Variants in SI observed in about 807,000 individuals in gnomAD.
The protein encoded by SI is sucrase-isomaltase, intestinal.
A neutral mutation model predicts 253.3 loss-of-function variants in SI; 235 were observed. That is an observed-to-expected ratio of 0.93 (90% CI 0.83 to 1.03). SI has a LOEUF of 1.03. Ranked by LOEUF, SI falls within the 50% of genes least tolerant of loss-of-function variation. The pLI, the probability that SI is intolerant of heterozygous loss-of-function variation, is 0.00. For synonymous variants in SI, 819 were observed against 712.0 expected (o/e 1.15, Z -2.39); for missense variants, 2,442 against 2,211.1 (o/e 1.10, Z -2.09).
chr3:165,030,194 GT>G (rs1213087554), intron 25 of SI, among the ~76,000 whole-genome samples: 1 of 150,716 alleles, frequency 6.6e-6, no homozygotes, highest in Non-Finnish European at 1.5e-5. Context: ...GTTTTACAAT[GT>G]CCTTCCTGTG....
Position 165,067,531 on chromosome 3 carries a change from A to G in SI, c.484-40T>C, listed in dbSNP as rs1278330680. ...GCAAGGTAGCATTACTGGATTCTAA[A>G]CTATTATTTAATATTCCAGTTCTGA... On this transcript the variant is annotated intron_variant, in intron 5 of 47. Coordinates refer to ENST00000264382, the MANE Select transcript of SI (RefSeq NM_001041.4). The G allele has an allele frequency of 1.6e-5, 24 of 1,516,394 alleles. No individual in the cohort carries two copies. In the East Asian group the frequency reaches 5.4e-4, roughly 34 times the overall value. 93.9% of individuals were successfully genotyped at this position (1,516,394 alleles called of 1,614,324 possible).
chr3:165,014,710 A>G (rs150517402), intron 33 of SI, among the ~76,000 whole-genome samples: 1 of 152,248 alleles, frequency 6.6e-6, no homozygotes, highest in African/African-American at 2.4e-5. Flanking sequence ...AATACAGTGA[A>G]TTATACTTCA....
chr3:165,030,586 A>T lies in SI; in HGVS notation c.2892+126T>A. ...TGCCTGTCAGAGATGCTAACTTCAA[A>T]TTCCAAATGATTATCTACTTGAATT... On this transcript the variant is annotated intron_variant, in intron 25 of 47. Coordinates refer to ENST00000264382, the MANE Select transcript of SI (RefSeq NM_001041.4). 4 of 1,010,436 alleles carry T rather than the reference A, an allele frequency of 4.0e-6. No homozygotes were observed. The East Asian group carries it at 9.9e-5, about 25-fold the overall frequency. 62.6% of individuals were successfully genotyped at this position (1,010,436 alleles called of 1,614,324 possible). A position where few individuals can be genotyped will look rare whatever the true frequency, so the allele number is the denominator to read the frequency against.
intron 25 of SI, among the ~76,000 whole-genome samples, chr3:165,024,819 C>G (rs541351937): frequency 6.6e-6 from 1 of 151,158 alleles, no homozygotes; most frequent in African/African-American, 2.4e-5. Flanking sequence ...AACATACTCA[C>G]TATCTCTAAT....
chr3:165,056,845 CG>C (rs372187544), intron 12 of SI, among the ~76,000 whole-genome samples: 242 of 152,096 alleles, frequency 1.6e-3, no homozygotes, highest in African/African-American at 5.4e-3. Context: ...TTAGAATACC[CG>C]GAAAACCTAT....
At chr3:165,074,845 G>A (rs1185605199) in intron 2 of SI, among the ~76,000 whole-genome samples, 178 bp from the exon 3 acceptor site, 1 of 151,964 alleles carries the variant, frequency 6.6e-6, no homozygotes, top group Admixed American at 6.6e-5. Context: ...AAAAGGAAAA[G>A]ATCCAATCAT....
At chr3:165,086,018 C>A in the SI span, among the ~76,000 whole-genome samples, 25 of 152,076 alleles carry the variant, frequency 1.6e-4, no homozygotes, top group African/African-American at 6.0e-4. Flanking sequence ...TGTTAGGAGG[C>A]CGAGGTGGGT....
chr3:165,059,157 T>C lies in SI; in HGVS notation c.1278+11A>G, dbSNP rs756042084. 8.1e-6 allele frequency: 13 copies of C among 1,612,082 alleles called. No individual in the cohort carries two copies. The highest frequency in any genetic ancestry group is 1.3e-5 in the African/African-American group (1 of 74,850). On this transcript the variant is annotated intron_variant, in intron 11 of 47. Coordinates refer to ENST00000264382, the MANE Select transcript of SI (RefSeq NM_001041.4). ...ACACTAAAAATGTATTAAGGTATAA[T>C]TGATTATTACCAAGATGATGACATA... is the stretch of plus-strand genomic sequence containing the variant.
chr3:165,022,507 C>T (rs2108185948), intron 26 of SI, among the ~76,000 whole-genome samples: 1 of 150,376 alleles, frequency 6.6e-6, no homozygotes, highest in South Asian at 2.1e-4. Context: ...TCTTCACACA[C>T]ACACATCTTC....
rs7626817 is a variant in SI at position 165,014,244 on chromosome 3, T to G, written c.3999+879A>C. 6.0e-3 allele frequency among the ~76,000 whole-genome samples: 918 copies of G among 152,166 alleles called. 6 individuals carry two copies. Among genetic ancestry groups the G allele is most frequent in the African/African-American group, 0.014 (563 of 41,546 alleles). Reference sequence around the variant, plus strand: ...TTGTGTCTCTCATCATAGATTTTTTTTTGTTGTTGTTGTTGTTGTTTTGAG... The same window carrying G: ...TTGTGTCTCTCATCATAGATTTTTTGTTGTTGTTGTTGTTGTTGTTTTGAG... On this transcript the variant is annotated intron_variant, in intron 33 of 47. Transcript: ENST00000264382.
At chr3:164,995,559 C>T (rs544039646) in intron 40 of SI, among the ~76,000 whole-genome samples, 1 of 151,114 alleles carries the variant, frequency 6.6e-6, no homozygotes, top group Admixed American at 6.6e-5. Flanking sequence ...CTCAGTCTTT[C>T]CCTCCTTCTG....
chr3:165,065,172 T>C (rs556959801), intron 7 of SI, 89 bp downstream of exon 7: 6 of 861,904 alleles, frequency 7.0e-6, no homozygotes, highest in African/African-American at 6.7e-5. Flanking sequence ...AGTTGATCAG[T>C]TAAAATAAAT....
At position 165,033,383 on chromosome 3, in the gene SI, G is replaced by T. The variant is rs772544870; in HGVS notation, c.2565+12C>A. 3 of 1,555,520 alleles carry T rather than the reference G, an allele frequency of 1.9e-6. No individual in the cohort carries two copies. Among genetic ancestry groups the T allele is most frequent in the Admixed American group, 1.8e-5 (1 of 56,164 alleles). On this transcript the variant is annotated intron_variant, in intron 23 of 47. Transcript: ENST00000264382. ...TTATGCATTTAAGTATATGTACAAA[G>T]AGAGTGCTTACATTAGAAACTGAAA...
At position 165,033,384 on chromosome 3, in the gene SI, A is replaced by G. The variant is rs1712352172; in HGVS notation, c.2565+11T>C. On this transcript the variant is annotated intron_variant, in intron 23 of 47. Coordinates refer to ENST00000264382, the MANE Select transcript of SI (RefSeq NM_001041.4). ...TATGCATTTAAGTATATGTACAAAG[A>G]GAGTGCTTACATTAGAAACTGAAAA... is the stretch of plus-strand genomic sequence containing the variant. 1 of 1,556,756 alleles carries G rather than the reference A, an allele frequency of 6.4e-7. No individual in the cohort carries two copies. Among genetic ancestry groups the G allele is most frequent in the Non-Finnish European group, 8.7e-7 (1 of 1,147,964 alleles).
intron 34 of SI, among the ~76,000 whole-genome samples, chr3:165,011,680 CT>C (rs1718773575): frequency 6.7e-6 from 1 of 149,930 alleles, no homozygotes; most frequent in African/African-American, 2.4e-5. Context: ...TCTGGTTGTT[CT>C]ATTTATTATT....
chr3:165,017,322 C>T (rs1406785319), intron 31 of SI, among the ~76,000 whole-genome samples: 1 of 151,844 alleles, frequency 6.6e-6, no homozygotes, highest in Non-Finnish European at 1.5e-5. Context: ...CACAACACAG[C>T]ATGATAGTAT....
intron 33 of SI, among the ~76,000 whole-genome samples, chr3:165,014,267 G>C: frequency 6.6e-6 from 1 of 150,918 alleles, no homozygotes; most frequent in African/African-American, 2.4e-5. Context: ...TTGTTGTTTT[G>C]AGACGGAGTC....
Position 165,015,304 on chromosome 3 carries a change from G to A in SI, c.3889-71C>T, listed in dbSNP as rs1284079416. ...TAACTACTTGGACAGTGATTATGAA[G>A]CATAAGTTTTCATTACTACATTATC... On this transcript the variant is annotated intron_variant, in intron 32 of 47. Transcript: ENST00000264382. The A allele has an allele frequency of 3.9e-6, 4 of 1,026,016 alleles. No homozygotes were observed. In the East Asian group the frequency reaches 7.4e-5, roughly 19 times the overall value. The allele number at this position is 1,026,016 out of a possible 1,614,324, so 63.6% of individuals were successfully genotyped here.
intron 47 of SI, among the ~76,000 whole-genome samples, chr3:164,981,737 G>A (rs74666809): frequency 8.2e-4 from 124 of 152,090 alleles, no homozygotes; most frequent in African/African-American, 2.9e-3. Context: ...TAGAATAATA[G>A]GCCTAAAATT....
Sources: gnomAD v4.1 joint callset for allele counts (sites outside exome capture counted in the v4.1 genomes callset) on GRCh38, gnomAD v4.1.1 for gene constraint, MANE v1.5 for transcripts, NCBI Gene and HGNC (gene_info 2026-07-23, HGNC 2026-07-21) for gene names.